Variants in COL23A1 observed in about 807,000 individuals in gnomAD.
The protein encoded by COL23A1 is collagen type XXIII alpha 1 chain.
A neutral mutation model predicts 99.3 loss-of-function variants in COL23A1; 97 were observed. That is an observed-to-expected ratio of 0.98 (90% CI 0.83 to 1.16). COL23A1 has a LOEUF of 1.16. COL23A1 is among the 50% of genes most tolerant of loss of function. The pLI, the probability that COL23A1 is intolerant of heterozygous loss-of-function variation, is 0.00. For missense variants in COL23A1, 762 were observed against 757.4 expected (o/e 1.01, Z -0.07); for synonymous variants, 320 against 308.2 (o/e 1.04, Z -0.40).
intron 2 of COL23A1, among the ~76,000 whole-genome samples, chr5:178,490,455 G>A (rs189340586): frequency 6.6e-6 from 1 of 152,248 alleles, no homozygotes; most frequent in African/African-American, 2.4e-5. Flanking sequence ...GGACGCGTGG[G>A]AAGTTGCGTT....
chr5:178,257,379 C>G (rs1031894411), intron 13 of COL23A1, 144 bp downstream of exon 13: 16 of 927,930 alleles, frequency 1.7e-5, no homozygotes, highest in Non-Finnish European at 2.2e-5. Flanking sequence ...GGGGCCGCGG[C>G]CTTCCTCTGC....
At chr5:178,567,978 G>A (rs979167751) in intron 1 of COL23A1, among the ~76,000 whole-genome samples, 2 of 152,074 alleles carry the variant, frequency 1.3e-5, no homozygotes, top group African/African-American at 4.8e-5. Context: ...CTTTATAATG[G>A]AGAAATCTGG....
In COL23A1 at chr5:178,346,057, T is replaced by C. The variant is rs6883076; in HGVS notation, c.362-39138A>G. 9.4e-3 allele frequency among the ~76,000 whole-genome samples: 1,429 copies of C among 152,226 alleles called. 21 individuals are homozygous for C. The highest frequency in any genetic ancestry group is 0.033 in the African/African-American group (1,363 of 41,528). ...TATACAAATAAACTTGTATTAGATA[T>C]CTATAAAATAAACATAAAAGCATGT... is the stretch of plus-strand genomic sequence containing the variant. On this transcript the variant is annotated intron_variant, in intron 2 of 28. Transcript: ENST00000390654.
chr5:178,252,959 C>T (rs1765113730), intron 16 of COL23A1, among the ~76,000 whole-genome samples: 1 of 152,184 alleles, frequency 6.6e-6, no homozygotes, highest in Non-Finnish European at 1.5e-5. Context: ...GCATTCAAGG[C>T]CTGCCAAGAA....
At chr5:178,279,309 C>T (rs1756762968) in intron 5 of COL23A1, among the ~76,000 whole-genome samples, 1 of 152,224 alleles carries the variant, frequency 6.6e-6, no homozygotes, top group Non-Finnish European at 1.5e-5. Flanking sequence ...ACTGCTCTGT[C>T]TTCCTGCCAC....
chr5:178,451,550 G>A (rs953373103), intron 2 of COL23A1, among the ~76,000 whole-genome samples: 6 of 151,440 alleles, frequency 4.0e-5, no homozygotes, highest in African/African-American at 9.7e-5. Context: ...TCAGCTACTC[G>A]GGGGCCTGAG....
At chr5:178,522,004 T>C (rs958337779) in intron 2 of COL23A1, among the ~76,000 whole-genome samples, 3 of 152,226 alleles carry the variant, frequency 2.0e-5, no homozygotes, top group African/African-American at 7.2e-5. Flanking sequence ...CATGGTAATC[T>C]TTATGTTATG....
At position 178,301,344 on chromosome 5, in the gene COL23A1, C is replaced by T. The variant is rs542837112; in HGVS notation, c.406+5531G>A. Among the ~76,000 whole-genome samples, 12 of 152,234 alleles carry T rather than the reference C, an allele frequency of 7.9e-5. No homozygotes were observed. In the South Asian group the frequency reaches 1.5e-3, roughly 18 times the overall value. The stretch of plus-strand genomic sequence containing the variant: ...AGAGGGACATGATTCTCATGCTTTC[C>T]TTTATTTCTTCAAACATGGTTTCCT... On this transcript the variant is annotated intron_variant, in intron 3 of 28. Transcript: ENST00000390654.
At position 178,307,395 on chromosome 5, in the gene COL23A1, C is replaced by T. The variant is rs1017393581; in HGVS notation, c.362-476G>A. 3.9e-5 allele frequency among the ~76,000 whole-genome samples: 6 copies of T among 152,254 alleles called. No homozygotes were observed. In the South Asian group the frequency reaches 6.2e-4, roughly 16 times the overall value. On this transcript the variant is annotated intron_variant, in intron 2 of 28. Transcript: ENST00000390654. The surrounding 1 kb of genome is among the most constrained non-coding windows in gnomAD (Gnocchi z 4.2). The stretch of plus-strand genomic sequence containing the variant: ...AGAGGCCATCACGGCCGCGCAGCGC[C>T]GAAATCCACTCATGACAGGCACTAC...
intron 2 of COL23A1, among the ~76,000 whole-genome samples, chr5:178,353,227 G>A (rs1342928543): frequency 6.6e-6 from 1 of 151,310 alleles, no homozygotes; most frequent in Non-Finnish European, 1.5e-5. Flanking sequence ...CCTTTAAAAA[G>A]AATGGAGCAA....
intron 25 of COL23A1, among the ~76,000 whole-genome samples, chr5:178,244,295 G>A (rs1356205664): frequency 6.6e-6 from 1 of 152,086 alleles, no homozygotes; most frequent in Non-Finnish European, 1.5e-5. Context: ...GGCCGGTAAT[G>A]TTCTCTTTTT....
At chr5:178,500,953 G>A (rs150452471) in intron 2 of COL23A1, among the ~76,000 whole-genome samples, 41 of 152,042 alleles carry the variant, frequency 2.7e-4, no homozygotes, top group Non-Finnish European at 4.3e-4. Flanking sequence ...TTTTCAATAG[G>A]TGTAACATGA....
At chr5:178,559,307 G>A (rs910269838) in intron 2 of COL23A1, among the ~76,000 whole-genome samples, 2 of 152,210 alleles carry the variant, frequency 1.3e-5, no homozygotes, top group African/African-American at 4.8e-5. Flanking sequence ...AGTGAGTTTG[G>A]TTTCCGGACA....
chr5:178,389,245 C>T (rs961554324), intron 2 of COL23A1, among the ~76,000 whole-genome samples: 2 of 152,202 alleles, frequency 1.3e-5, no homozygotes, highest in Non-Finnish European at 2.9e-5. Flanking sequence ...TTTTCCTCCA[C>T]CCAGCAAAGT....
chr5:178,589,569 G>A lies in COL23A1; in HGVS notation c.294+335C>T, dbSNP rs1457202883. Among the ~76,000 whole-genome samples the A allele has an allele frequency of 6.6e-6, 1 of 152,202 alleles. No individual in the cohort carries two copies. The highest frequency in any genetic ancestry group is 1.5e-5 in the Non-Finnish European group (1 of 68,030). The stretch of plus-strand genomic sequence containing the variant: ...CTCATCTTTATCCCCGACTCTGGCC[G>A]CCGGCGGGAAGCGGCGTGTCCGAGC... On this transcript the variant is annotated intron_variant, in intron 1 of 28. Transcript: ENST00000390654. This position sits in a 1 kb window ranked among gnomAD's most constrained non-coding sequence, Gnocchi z 5.4.
rs533470485 is a variant in COL23A1, at chr5:178,546,306, C to T, written c.361+14376G>A. On this transcript the variant is annotated intron_variant, in intron 2 of 28. Coordinates refer to ENST00000390654, the MANE Select transcript of COL23A1 (RefSeq NM_173465.4). Reference sequence around the variant, plus strand: ...CTGCCTAAATTCCGGAACCACCCTGCACCCCATCCTTCCCAAGCCTCAATC... The same window carrying T: ...CTGCCTAAATTCCGGAACCACCCTGTACCCCATCCTTCCCAAGCCTCAATC... 2.6e-5 allele frequency among the ~76,000 whole-genome samples: 4 copies of T among 152,312 alleles called. No individual in the cohort carries two copies. In the South Asian group the frequency reaches 8.3e-4, roughly 32 times the overall value.
chr5:178,319,517 G>A (rs1759168719), intron 2 of COL23A1, among the ~76,000 whole-genome samples: 1 of 152,218 alleles, frequency 6.6e-6, no homozygotes, highest in African/African-American at 2.4e-5. Context: ...GTGGGCAGGT[G>A]AGGCCTGGGG....
At chr5:178,367,994 C>A (rs920025644) in intron 2 of COL23A1, among the ~76,000 whole-genome samples, 2 of 152,174 alleles carry the variant, frequency 1.3e-5, no homozygotes, top group Admixed American at 1.3e-4. Flanking sequence ...GTTGTGTGCA[C>A]TGCGGAAATG....
At chr5:178,335,473 A>T (rs1760266333) in intron 2 of COL23A1, among the ~76,000 whole-genome samples, 1 of 152,250 alleles carries the variant, frequency 6.6e-6, no homozygotes, top group Non-Finnish European at 1.5e-5. Context: ...TGCTTAGATC[A>T]CATGACTTCC....
Sources: allele counts gnomAD v4.1 joint callset (sites outside exome capture counted in the v4.1 genomes callset), GRCh38; gene constraint gnomAD v4.1.1; non-coding constraint Gnocchi (gnomAD v3.1); transcripts MANE v1.5; gene names NCBI Gene and HGNC (gene_info 2026-07-23, HGNC 2026-07-21).